The following TAF5L variants were observed in gnomAD, a reference collection of about 807,000 sequenced individuals.
The protein encoded by TAF5L is TATA-box binding protein associated factor 5 like, also known as TAF5-like RNA polymerase II p300/CBP-associated factor-associated factor 65 kDa subunit 5L.
A neutral mutation model predicts 51.3 loss-of-function variants in TAF5L; 7 were observed. The ratio of observed to expected loss-of-function variants is 0.14; its 90% CI spans 0.08 to 0.26. The LOEUF is 0.26. Among genes scored for constraint, TAF5L ranks in the 10% least tolerant of loss-of-function variants. TAF5L has a pLI of 1.00. For synonymous variants in TAF5L, 291 were observed against 308.1 expected (o/e 0.94, Z 0.58); for missense variants, 575 against 758.9 (o/e 0.76, Z 2.85).
chr1:229,623,833 C>A (rs1308971489), intron 1 of TAF5L, among the ~76,000 whole-genome samples: 1 of 152,172 alleles, frequency 6.6e-6, no homozygotes, highest in Non-Finnish European at 1.5e-5. Context: ...ACTCAGGACA[C>A]CTGGCTGAAG....
intron 2 of TAF5L, among the ~76,000 whole-genome samples, chr1:229,611,582 T>G (rs1323971435): frequency 6.6e-6 from 1 of 151,196 alleles, no homozygotes; most frequent in African/African-American, 2.4e-5. Flanking sequence ...AGGGAGGGAC[T>G]CCTCCTCCTT....
intron 3 of TAF5L, chr1:229,606,826 T>C (rs763658294): frequency 9.2e-5 from 91 of 985,312 alleles, no homozygotes; most frequent in Non-Finnish European, 1.0e-4. Flanking sequence ...TCCTGAAGAA[T>C]AGGACCTACG....
exon 5 of TAF5L, chr1:229,593,517 A>G (rs1663995708): frequency 6.6e-6 from 1 of 152,026 alleles, no homozygotes; most frequent in Non-Finnish European, 1.5e-5. Flanking sequence ...CAGGAGCCCA[A>G]AGTGTTCTCA....
In TAF5L at chr1:229,602,200, C is replaced by T; in HGVS notation, c.967G>A (p.Glu323Lys). The change falls in exon 4 of 5, where the codon GAG becomes AAG. Residue 323 changes from glutamate to lysine, a missense_variant. Glu to Lys is a moderately conservative substitution (Grantham distance 56, BLOSUM62 1). This residue lies in a region of TAF5L where 380 missense variants were observed against 443.7 expected (regional missense o/e 0.86). Coordinates refer to ENST00000258281, the Ensembl canonical transcript of TAF5L. This position sits in a 1 kb window ranked among gnomAD's most constrained non-coding sequence, Gnocchi z 4.6. ...GAAAAAAATGGTATTCATACCTCCT[C>T]CTCCAGAATATCACAAGCCAAATGG... 1 of 1,611,982 alleles carries T rather than the reference C, an allele frequency of 6.2e-7. No homozygotes were observed. Among genetic ancestry groups the T allele is most frequent in the South Asian group, 1.1e-5 (1 of 90,976 alleles).
intron 3 of TAF5L, among the ~76,000 whole-genome samples, chr1:229,608,468 A>G (rs938080825): frequency 6.6e-6 from 1 of 152,212 alleles, no homozygotes; most frequent in Admixed American, 6.5e-5. Context: ...GCAGTGATCA[A>G]TTTCCACTAA....
Position 229,603,889 on chromosome 1 carries a change from GC to G in TAF5L, c.248-971del, listed in dbSNP as rs1331653548. Reference sequence around the variant, plus strand: ...ACAGCAGGGCCACTGCAGGGCAGAAGCCCCCCAAGGAGCTGAGACCAGCCCG... The same window carrying G: ...ACAGCAGGGCCACTGCAGGGCAGAAGCCCCCAAGGAGCTGAGACCAGCCCG... On this transcript the variant is annotated intron_variant, in intron 3 of 4. Transcript: ENST00000258281. Among the ~76,000 whole-genome samples the G allele has an allele frequency of 4.6e-5, 7 of 152,198 alleles. No individual in the cohort carries two copies. In the East Asian group the frequency reaches 1.3e-3, roughly 29 times the overall value.
chr1:229,621,701 ACT>A (rs1365797032), intron 1 of TAF5L, among the ~76,000 whole-genome samples: 2 of 152,186 alleles, frequency 1.3e-5, no homozygotes, highest in African/African-American at 2.4e-5. Flanking sequence ...AAAAAGAGAA[ACT>A]CTGAGGGTTA....
In TAF5L at chr1:229,625,696, C is replaced by T. The variant is rs1185287435; in HGVS notation, c.-4+189G>A. 3.4e-5 allele frequency among the ~76,000 whole-genome samples: 5 copies of T among 147,688 alleles called. No individual in the cohort carries two copies. Among genetic ancestry groups the T allele is most frequent in the Admixed American group, 2.0e-4 (3 of 14,894 alleles). On this transcript the variant is annotated intron_variant, in intron 1 of 4. Coordinates refer to ENST00000258281, the Ensembl canonical transcript of TAF5L. This position sits in a 1 kb window ranked among gnomAD's most constrained non-coding sequence, Gnocchi z 4.0. ...ACTCGGGAGGCCGAGGGCGGAGGCGCGGCCGTCGCGCCCGCGCAGAGCCGC... is the reference window on the plus strand; with the variant it reads ...ACTCGGGAGGCCGAGGGCGGAGGCGTGGCCGTCGCGCCCGCGCAGAGCCGC...
At chr1:229,596,987 T>C (rs1664148611) in intron 4 of TAF5L, among the ~76,000 whole-genome samples, 2 of 152,256 alleles carry the variant, frequency 1.3e-5, no homozygotes, top group African/African-American at 4.8e-5. Context: ...ATATTCACAA[T>C]GGCTATTCCA....
At chr1:229,618,800 T>A (rs946818886) in intron 1 of TAF5L, among the ~76,000 whole-genome samples, 2 of 152,042 alleles carry the variant, frequency 1.3e-5, no homozygotes, top group Admixed American at 1.3e-4. Context: ...AGAGGAGGGC[T>A]GGGAGGCACC....
At chr1:229,622,043 A>G (rs998413900) in intron 1 of TAF5L, among the ~76,000 whole-genome samples, 1 of 147,056 alleles carries the variant, frequency 6.8e-6, no homozygotes, top group Non-Finnish European at 1.5e-5. Context: ...CTATCTATCT[A>G]TCTATCTATC....
At chr1:229,619,263 T>C (rs1327017432) in intron 1 of TAF5L, among the ~76,000 whole-genome samples, 1 of 152,206 alleles carries the variant, frequency 6.6e-6, no homozygotes, top group Non-Finnish European at 1.5e-5. Flanking sequence ...GAAAAATAAA[T>C]GAGCCATACT....
rs532213640 is a variant in TAF5L at position 229,595,210 on chromosome 1, T to C, written c.973-116A>G. On this transcript the variant is annotated intron_variant, in intron 4 of 4. Transcript: ENST00000258281. ...TAGAGAACTGAGACTGCTTGGGAAA[T>C]AGCATCTATCCAGCAAATGACAGTG... 3.7e-6 allele frequency: 4 copies of C among 1,086,944 alleles called. No individual in the cohort carries two copies. In the South Asian group the frequency reaches 6.4e-5, roughly 17 times the overall value. 67.3% of individuals were successfully genotyped at this position (1,086,944 alleles called of 1,614,324 possible).
intron 3 of TAF5L, among the ~76,000 whole-genome samples, chr1:229,608,506 A>C (rs563766005): frequency 1.2e-4 from 19 of 152,362 alleles, no homozygotes; most frequent in Non-Finnish European, 1.5e-4. Flanking sequence ...CCGAATTTAT[A>C]ATAAGGGTTT....
In TAF5L at chr1:229,602,298, G is replaced by A. The variant is rs1354096504; in HGVS notation, c.869C>T (p.Ser290Phe). The change falls in exon 4 of 5, where the codon TCC becomes TTC. Residue 290 changes from serine to phenylalanine, a missense_variant. This residue lies in a region of TAF5L where 380 missense variants were observed against 443.7 expected (regional missense o/e 0.86). Coordinates refer to ENST00000258281, the Ensembl canonical transcript of TAF5L. This position sits in a 1 kb window ranked among gnomAD's most constrained non-coding sequence, Gnocchi z 4.6. ...TCGTAAACTCCAAAGTTTTATACAG[G>A]AGTTGTCAAACCCAGCAGCAAGCAG... 3.1e-6 allele frequency: 5 copies of A among 1,614,148 alleles called. No individual in the cohort carries two copies. The highest frequency in any genetic ancestry group is 4.2e-6 in the Non-Finnish European group (5 of 1,180,030).
At chr1:229,622,378 T>TG (rs1665243685) in intron 1 of TAF5L, among the ~76,000 whole-genome samples, 1 of 152,030 alleles carries the variant, frequency 6.6e-6, no homozygotes, top group African/African-American at 2.4e-5. Flanking sequence ...ATGAGACTTT[T>TG]GGGGGAAAAC....
intron 1 of TAF5L, among the ~76,000 whole-genome samples, chr1:229,618,878 CT>C (rs1246764782): frequency 1.3e-5 from 2 of 152,166 alleles, no homozygotes; most frequent in Non-Finnish European, 2.9e-5. Flanking sequence ...TACTACCTGG[CT>C]CCCCCATCCC....
Position 229,595,472 on chromosome 1 carries a change from G to A in TAF5L, c.973-378C>T, listed in dbSNP as rs548455368. Among the ~76,000 whole-genome samples the A allele has an allele frequency of 1.2e-3, 182 of 152,256 alleles. 2 individuals carry two copies. Among genetic ancestry groups the A allele is most frequent in the African/African-American group, 3.7e-3 (153 of 41,542 alleles). On this transcript the variant is annotated intron_variant, in intron 4 of 4. Coordinates refer to ENST00000258281, the Ensembl canonical transcript of TAF5L. ...TGAAAATATTTACTTTTGAATTTAC[G>A]TGAGGCTCTTAGATTGTTCTATTCT...
intron 1 of TAF5L, among the ~76,000 whole-genome samples, chr1:229,622,595 T>C (rs1369211116): frequency 2.0e-5 from 3 of 152,132 alleles, no homozygotes; most frequent in African/African-American, 4.8e-5. Flanking sequence ...AAAAGTAAAA[T>C]AAAATAAAAA....
Sources: gnomAD v4.1 joint callset for allele counts (sites outside exome capture counted in the v4.1 genomes callset) on GRCh38, gnomAD v4.1.1 for gene constraint, gnomAD v4.1.1 regional missense constraint, Gnocchi (gnomAD v3.1) non-coding constraint, MANE v1.5 for transcripts, NCBI Gene and HGNC (gene_info 2026-07-23, HGNC 2026-07-21) for gene names.